CTNNA1: variants seen among roughly 807,000 people sequenced by gnomAD.
CTNNA1 encodes catenin alpha-1.
Under a neutral mutation model 98.4 loss-of-function variants are expected in CTNNA1, and 37 were observed. The observed-to-expected ratio is 0.38, with a 90% CI of 0.29 to 0.49. The LOEUF (loss-of-function observed/expected upper bound fraction) is 0.49. CTNNA1 is among the 20% of genes least tolerant of loss of function. The pLI is 0.95. For synonymous variants in CTNNA1, 404 were observed against 413.2 expected (o/e 0.98, Z 0.27); for missense variants, 761 against 1,147.2 (o/e 0.66, Z 4.86).
At chr5:138,844,878 G>A (rs111954028) in intron 7 of CTNNA1, among the ~76,000 whole-genome samples, 2 of 152,132 alleles carry the variant, frequency 1.3e-5, no homozygotes, top group Non-Finnish European at 2.9e-5. Context: ...TAATTAGTGT[G>A]CAGGAGACAG....
intron 7 of CTNNA1, among the ~76,000 whole-genome samples, chr5:138,875,927 C>A (rs1323482041): frequency 2.6e-5 from 4 of 152,134 alleles, no homozygotes; most frequent in South Asian, 2.1e-4. Context: ...GCTTGCAAAA[C>A]AAAGCATGTG....
At chr5:138,801,100 G>A (rs918154654) in intron 3 of CTNNA1, among the ~76,000 whole-genome samples, 1 of 152,134 alleles carries the variant, frequency 6.6e-6, no homozygotes, top group African/African-American at 2.4e-5. Context: ...GATTAGCATC[G>A]CATGCAGATG....
At chr5:138,777,323 C>T (rs1453686497) in intron 1 of CTNNA1, among the ~76,000 whole-genome samples, 3 of 152,066 alleles carry the variant, frequency 2.0e-5, no homozygotes, top group African/African-American at 7.2e-5. Flanking sequence ...AGGCGCTCCT[C>T]ACTTCCTAGA....
At chr5:138,770,681 G>A (rs1033977280) in intron 1 of CTNNA1, among the ~76,000 whole-genome samples, 1 of 152,056 alleles carries the variant, frequency 6.6e-6, no homozygotes, top group Non-Finnish European at 1.5e-5. Context: ...CGCCGGGCGC[G>A]GTGGCTCATG....
rs114961818 is a variant in CTNNA1, at chr5:138,906,083, T to G, written c.1389+1642T>G. Among the ~76,000 whole-genome samples the G allele has an allele frequency of 6.9e-3, 1,052 of 152,296 alleles. 13 individuals carry two copies. Among genetic ancestry groups the G allele is most frequent in the African/African-American group, 0.024 (977 of 41,546 alleles). ...GCAACCAAAATAAGTAAAGCCTCTC[T>G]CGGTGGTTATTAATCTGTCATTCTC... On this transcript the variant is annotated intron_variant, in intron 10 of 17. Coordinates refer to ENST00000302763, the MANE Select transcript of CTNNA1 (RefSeq NM_001903.5).
At chr5:138,816,056 T>C (rs1234264877) in intron 5 of CTNNA1, among the ~76,000 whole-genome samples, 1 of 152,234 alleles carries the variant, frequency 6.6e-6, no homozygotes, top group Non-Finnish European at 1.5e-5. Context: ...ATAACTAACC[T>C]TTGGCTACCC....
At chr5:138,765,100 G>A (rs944961314) in intron 1 of CTNNA1, among the ~76,000 whole-genome samples, 2 of 151,712 alleles carry the variant, frequency 1.3e-5, no homozygotes, top group Non-Finnish European at 2.9e-5. Context: ...GAGTGCAATG[G>A]CATGATCTCG....
chr5:138,753,702 T>C (rs1751262706), intron 1 of CTNNA1, 192 bp downstream of exon 1: 1 of 322,416 alleles, frequency 3.1e-6, no homozygotes. Flanking sequence ...GGCGGTCCCT[T>C]CCCCCGCAGG....
intron 7 of CTNNA1, among the ~76,000 whole-genome samples, chr5:138,840,139 A>T (rs1179083183): frequency 6.6e-6 from 1 of 152,232 alleles, no homozygotes; most frequent in Non-Finnish European, 1.5e-5. Context: ...TGGTGTTATT[A>T]AAAAATATCA....
At chr5:138,769,876 C>A (rs927500456) in intron 1 of CTNNA1, among the ~76,000 whole-genome samples, 5 of 151,138 alleles carry the variant, frequency 3.3e-5, no homozygotes, top group African/African-American at 1.2e-4. Context: ...GACGGAGTTT[C>A]GGTCTTGTCG....
At chr5:138,764,973 T>C (rs1184750023) in intron 1 of CTNNA1, among the ~76,000 whole-genome samples, 2 of 151,022 alleles carry the variant, frequency 1.3e-5, no homozygotes, top group Non-Finnish European at 3.0e-5. Context: ...TCCAGGATTC[T>C]AGCGATTCTT....
At chr5:138,844,505 A>C (rs1762537136) in intron 7 of CTNNA1, among the ~76,000 whole-genome samples, 1 of 152,180 alleles carries the variant, frequency 6.6e-6, no homozygotes, top group African/African-American at 2.4e-5. Flanking sequence ...ATTTGCCTCA[A>C]CACAATTTTA....
At chr5:138,854,275 A>G (rs1763518396) in intron 7 of CTNNA1, among the ~76,000 whole-genome samples, 1 of 152,200 alleles carries the variant, frequency 6.6e-6, no homozygotes, top group Non-Finnish European at 1.5e-5. Flanking sequence ...TCTTTTTCTA[A>G]TCAAGTAAGA....
chr5:138,851,270 T>G (rs1165722415), intron 7 of CTNNA1, among the ~76,000 whole-genome samples: 1 of 152,224 alleles, frequency 6.6e-6, no homozygotes. Context: ...GGCATTCTTG[T>G]GCCTGATCTC....
At chr5:138,932,454 T>C in intron 16 of CTNNA1, 124 bp from the exon 17 acceptor site, 2 of 1,472,756 alleles carry the variant, frequency 1.4e-6, no homozygotes, top group South Asian at 1.4e-5. Context: ...AATTGGGTGA[T>C]TTTGCTCCAG....
rs188831829 is a variant in CTNNA1 at position 138,834,942 on chromosome 5, G to A, written c.1062+7224G>A. 3.5e-4 allele frequency among the ~76,000 whole-genome samples: 53 copies of A among 152,264 alleles called. No homozygotes were observed. In the East Asian group the frequency reaches 9.5e-3, roughly 27 times the overall value. On this transcript the variant is annotated intron_variant, in intron 7 of 17. Transcript: ENST00000302763. ...AGGTTTGGGATAGGCAGTGGAGTTA[G>A]GAGCAATTTTTTGTGGGCAGGGGGT... is the stretch of plus-strand genomic sequence containing the variant.
intron 9 of CTNNA1, among the ~76,000 whole-genome samples, chr5:138,903,910 C>G (rs1005093121): frequency 6.6e-6 from 1 of 152,198 alleles, no homozygotes; most frequent in Non-Finnish European, 1.5e-5. Flanking sequence ...GTCAAATGAG[C>G]ATAGCACCTT....
At chr5:138,919,243 A>G (rs552573145) in intron 11 of CTNNA1, among the ~76,000 whole-genome samples, 9 of 152,300 alleles carry the variant, frequency 5.9e-5, no homozygotes, top group African/African-American at 1.9e-4. Context: ...TCATTGGTTT[A>G]GAGAAAAACA....
Position 138,880,723 on chromosome 5 carries a change from A to G in CTNNA1, c.1063-5489A>G, listed in dbSNP as rs182657043. 1.0e-3 allele frequency: 257 copies of G among 253,370 alleles called. 5 individuals are homozygous for G. The highest frequency in any genetic ancestry group is 8.8e-3 in the South Asian group (177 of 20,022). 15.7% of individuals were successfully genotyped at this position (253,370 alleles called of 1,614,324 possible). A position where few individuals can be genotyped will look rare whatever the true frequency, so the allele number is the denominator to read the frequency against. On this transcript the variant is annotated intron_variant, in intron 7 of 17. Coordinates refer to ENST00000302763, the MANE Select transcript of CTNNA1 (RefSeq NM_001903.5). The stretch of plus-strand genomic sequence containing the variant: ...ACAAAGAAAGCTGTTTGCACAGGAT[A>G]GAATTAAGAGGTAAGATACCCGTTC...
Sources: allele counts gnomAD v4.1 joint callset (sites outside exome capture counted in the v4.1 genomes callset), GRCh38; gene constraint gnomAD v4.1.1; transcripts MANE v1.5; gene names NCBI Gene and HGNC (gene_info 2026-07-23, HGNC 2026-07-21).